DOK5: variants seen among roughly 807,000 people sequenced by gnomAD.
DOK5 encodes docking protein 5.
Under a neutral mutation model 43.3 loss-of-function variants are expected in DOK5, and 27 were observed. The ratio of observed to expected loss-of-function variants is 0.62; its 90% confidence interval spans 0.46 to 0.86. The LOEUF is 0.86. Among genes scored for constraint, DOK5 ranks in the 40% least tolerant of loss-of-function variants. DOK5 has a pLI of 0.00. For synonymous variants in DOK5, 146 were observed against 140.1 expected (o/e 1.04, Z -0.30); for missense variants, 373 against 392.9 (o/e 0.95, Z 0.43).
At chr20:54,485,370 A>AG (rs1470823342) in intron 1 of DOK5, among the ~76,000 whole-genome samples, 4 of 151,024 alleles carry the variant, frequency 2.6e-5, no homozygotes, top group African/African-American at 7.3e-5. Flanking sequence ...AAAAAAAAAA[A>AG]GAATGTAATG....
At chr20:54,476,463 GA>G (rs1981431634) in intron 1 of DOK5, among the ~76,000 whole-genome samples, 3 of 152,146 alleles carry the variant, frequency 2.0e-5, no homozygotes, top group Non-Finnish European at 4.4e-5. Flanking sequence ...CGAACCCTCT[GA>G]CCCCAGGGAG....
chr20:54,619,444 G>A (rs550954841), intron 6 of DOK5, among the ~76,000 whole-genome samples: 3 of 152,224 alleles, frequency 2.0e-5, no homozygotes, highest in African/African-American at 7.2e-5. Context: ...CAGTGTGTGG[G>A]ATATTCCTCA....
intron 1 of DOK5, among the ~76,000 whole-genome samples, chr20:54,539,091 C>A (rs1277636442): frequency 1.3e-5 from 2 of 151,906 alleles, no homozygotes; most frequent in Non-Finnish European, 2.9e-5. Context: ...GACCAGCCTA[C>A]CAGCCTGGCT....
At chr20:54,497,869 T>C (rs999113642) in intron 1 of DOK5, among the ~76,000 whole-genome samples, 1 of 152,204 alleles carries the variant, frequency 6.6e-6, no homozygotes, top group African/African-American at 2.4e-5. Flanking sequence ...ACAGTGTACA[T>C]TCTTACCTTT....
chr20:54,536,791 C>T (rs1472436236), intron 1 of DOK5, among the ~76,000 whole-genome samples: 2 of 152,228 alleles, frequency 1.3e-5, no homozygotes, highest in African/African-American at 2.4e-5. Context: ...TAGTCTTCCA[C>T]CCTCATGAGA....
intron 6 of DOK5, among the ~76,000 whole-genome samples, chr20:54,618,170 G>C (rs1486200356): frequency 6.6e-6 from 1 of 152,172 alleles, no homozygotes; most frequent in Non-Finnish European, 1.5e-5. Flanking sequence ...GGGATGTTCA[G>C]CATGGCGAAG....
intron 5 of DOK5, among the ~76,000 whole-genome samples, chr20:54,606,079 C>T (rs569735693): frequency 1.3e-5 from 2 of 152,296 alleles, no homozygotes; most frequent in East Asian, 3.9e-4. Context: ...AAGAATGAAT[C>T]CTTCCCAACA....
intron 2 of DOK5, among the ~76,000 whole-genome samples, chr20:54,575,280 A>T (rs1284329880): frequency 6.6e-6 from 1 of 152,200 alleles, no homozygotes; most frequent in Non-Finnish European, 1.5e-5. Context: ...GGGATTCTGG[A>T]TTGGAGTGAT....
At chr20:54,539,608 A>T (rs986535019) in intron 1 of DOK5, among the ~76,000 whole-genome samples, 1 of 152,212 alleles carries the variant, frequency 6.6e-6, no homozygotes, top group Non-Finnish European at 1.5e-5. Context: ...GTTTGCTGTC[A>T]TGGGCTCCCG....
At chr20:54,610,966 G>C (rs898020452) in intron 6 of DOK5, among the ~76,000 whole-genome samples, 1 of 152,212 alleles carries the variant, frequency 6.6e-6, no homozygotes, top group African/African-American at 2.4e-5. Flanking sequence ...ACAAGAGATT[G>C]TGACATCCAT....
In DOK5 at chr20:54,515,041, A is replaced by T. The variant is rs534686227; in HGVS notation, c.66+39029A>T. The stretch of plus-strand genomic sequence containing the variant: ...AATTTTTTTTTTAAGGTGAAATTTC[A>T]CTCTTGTTGCCCAGGCTGGAGTGCA... On this transcript the variant is annotated intron_variant, in intron 1 of 7. Transcript: ENST00000262593. Among the ~76,000 whole-genome samples the T allele has an allele frequency of 2.9e-3, 437 of 150,922 alleles. 1 individual carries two copies. Among genetic ancestry groups the T allele is most frequent in the Non-Finnish European group, 4.3e-3 (290 of 67,794 alleles).
At chr20:54,554,899 A>G in intron 1 of DOK5, 34 bp from the exon 2 acceptor site, 3 of 1,306,768 alleles carry the variant, frequency 2.3e-6, no homozygotes, top group Non-Finnish European at 3.3e-6. Context: ...CAGTCAGGGG[A>G]GATGCTGAGC....
intron 5 of DOK5, among the ~76,000 whole-genome samples, chr20:54,604,823 A>C (rs1229596566): frequency 1.3e-5 from 2 of 151,918 alleles, no homozygotes; most frequent in East Asian, 3.9e-4. Context: ...CAAGATGGTG[A>C]AACCCCATCT....
At chr20:54,492,557 T>C (rs921591014) in intron 1 of DOK5, among the ~76,000 whole-genome samples, 1 of 152,098 alleles carries the variant, frequency 6.6e-6, no homozygotes, top group Admixed American at 6.5e-5. Context: ...ATTTCTAAGA[T>C]AAGTCCTAAA....
At chr20:54,609,465 T>A (rs1162438814) in intron 5 of DOK5, among the ~76,000 whole-genome samples, 1 of 151,890 alleles carries the variant, frequency 6.6e-6, no homozygotes, top group Non-Finnish European at 1.5e-5. Context: ...ATATTTATAA[T>A]AATTAAATAT....
At chr20:54,580,552 C>T (rs762192311) in intron 2 of DOK5, among the ~76,000 whole-genome samples, 3 of 151,894 alleles carry the variant, frequency 2.0e-5, no homozygotes, top group Admixed American at 6.6e-5. Context: ...CTGATAATAG[C>T]CATCCTAAGA....
chr20:54,494,594 C>T (rs764560758), intron 1 of DOK5, among the ~76,000 whole-genome samples: 1 of 152,086 alleles, frequency 6.6e-6, no homozygotes, highest in African/African-American at 2.4e-5. Context: ...CATGGTTCTC[C>T]CTTGATTTTA....
At chr20:54,616,706 T>C (rs889077656) in intron 6 of DOK5, among the ~76,000 whole-genome samples, 4 of 151,846 alleles carry the variant, frequency 2.6e-5, no homozygotes, top group African/African-American at 9.7e-5. Flanking sequence ...CACAAGCCTG[T>C]AATGTAGGTT....
At chr20:54,647,570 G>T (rs1267200433) in intron 7 of DOK5, among the ~76,000 whole-genome samples, 3 of 151,254 alleles carry the variant, frequency 2.0e-5, no homozygotes, top group African/African-American at 7.3e-5. Context: ...ACAAGTTTAT[G>T]TTGAATACTA....
Sources: allele counts gnomAD v4.1 joint callset (sites outside exome capture counted in the v4.1 genomes callset), GRCh38; gene constraint gnomAD v4.1.1; transcripts MANE v1.5; gene names NCBI Gene and HGNC (gene_info 2026-07-23, HGNC 2026-07-21).